Variants in WDR27 observed in about 807,000 individuals in gnomAD.
WDR27 encodes WD repeat domain 27.
Under a neutral mutation model 114.4 loss-of-function variants are expected in WDR27, and 100 were observed. The observed-to-expected ratio is 0.87, with a 90% CI of 0.74 to 1.03. The LOEUF (loss-of-function observed/expected upper bound fraction) is 1.03. Among genes scored for constraint, WDR27 ranks in the 50% least tolerant of loss-of-function variants. The probability of loss-of-function intolerance (pLI) is 0.00; values close to 1 mark genes in which losing one functional copy is unlikely to be tolerated. For missense variants in WDR27, 1,129 were observed against 1,092.9 expected, an observed-to-expected ratio of 1.03 and a Z score of -0.47; for synonymous variants, 449 against 423.1, an observed-to-expected ratio of 1.06 and a Z score of -0.75.
Position 169,551,678 on chromosome 6 carries a change from A to G in WDR27, c.2645+20741T>C, listed in dbSNP as rs1798122269. Among the ~76,000 whole-genome samples the G allele has an allele frequency of 2.1e-5, 3 of 140,416 alleles. No homozygotes were observed. In the Admixed American group the frequency reaches 2.3e-4, roughly 11 times the overall value. 92.1% of individuals were successfully genotyped at this position (140,416 alleles called of 152,430 possible). A position where few individuals can be genotyped will look rare whatever the true frequency, so the allele number is the denominator to read the frequency against. ...CTTGAACCCAGGAGGTGGAGGTTGGAGTGAGCTGAGATTGCGCCATTGCAC... is the reference window on the plus strand; with the variant it reads ...CTTGAACCCAGGAGGTGGAGGTTGGGGTGAGCTGAGATTGCGCCATTGCAC... On this transcript the variant is annotated intron_variant, in intron 25 of 25. Coordinates refer to ENST00000448612, the MANE Select transcript of WDR27 (RefSeq NM_182552.5).
At chr6:169,651,291 G>A (rs1260529788) in intron 14 of WDR27, among the ~76,000 whole-genome samples, 2 of 151,800 alleles carry the variant, frequency 1.3e-5, no homozygotes, top group African/African-American at 4.9e-5. Flanking sequence ...TGCGGTCAGG[G>A]ACTCCAGGTA....
intron 2 of WDR27, among the ~76,000 whole-genome samples, chr6:169,674,988 G>A (rs1463245405): frequency 6.6e-6 from 1 of 152,172 alleles, no homozygotes; most frequent in African/African-American, 2.4e-5. Flanking sequence ...AATTTCACAA[G>A]ACAATGTCAT....
intron 5 of WDR27, chr6:169,667,459 C>T (rs762198425): frequency 6.6e-5 from 60 of 902,814 alleles, no homozygotes; most frequent in South Asian, 2.5e-4. Flanking sequence ...AAAAACAGTT[C>T]CCAGGCACTT....
intron 25 of WDR27, among the ~76,000 whole-genome samples, chr6:169,457,934 G>C (rs757776702): frequency 6.6e-6 from 1 of 151,438 alleles, no homozygotes; most frequent in Non-Finnish European, 1.5e-5. Flanking sequence ...CCTCCTTCCA[G>C]GCAGAGCTGA....
chr6:169,507,228 CT>C (rs1222165146), intron 25 of WDR27, among the ~76,000 whole-genome samples: 3 of 152,124 alleles, frequency 2.0e-5, no homozygotes, highest in African/African-American at 7.2e-5. Flanking sequence ...TATAAGCTGC[CT>C]TTTTTCCCCC....
chr6:169,435,365 G>A, the WDR27 span, among the ~76,000 whole-genome samples: 10 of 152,308 alleles, frequency 6.6e-5, no homozygotes, highest in Admixed American at 1.3e-4. Flanking sequence ...TCCAGACCCC[G>A]GAATGGTAGA....
chr6:169,591,963 C>T (rs550357904), intron 23 of WDR27, among the ~76,000 whole-genome samples: 20 of 151,756 alleles, frequency 1.3e-4, no homozygotes, highest in South Asian at 4.2e-4. Flanking sequence ...TAGTGGGGAA[C>T]GGCATTTAGA....
chr6:169,657,613 G>A (rs1184911099), intron 13 of WDR27: 1 of 152,350 alleles, frequency 6.6e-6, no homozygotes, highest in Non-Finnish European at 1.5e-5. Flanking sequence ...GGTCACTGAA[G>A]GGAAAAAAGA....
At chr6:169,662,927 C>T (rs992684786) in intron 8 of WDR27, among the ~76,000 whole-genome samples, 5 of 147,498 alleles carry the variant, frequency 3.4e-5, no homozygotes, top group African/African-American at 7.5e-5. Flanking sequence ...GTGTGCACCG[C>T]GGAGCATTCA....
intron 24 of WDR27, among the ~76,000 whole-genome samples, chr6:169,578,724 A>C (rs898217964): frequency 6.6e-6 from 1 of 151,636 alleles, no homozygotes; most frequent in Non-Finnish European, 1.5e-5. Flanking sequence ...ACCCTCAAAC[A>C]GCTCCTCGCT....
the WDR27 span, among the ~76,000 whole-genome samples, chr6:169,432,110 C>T: frequency 3.3e-5 from 5 of 152,204 alleles, no homozygotes; most frequent in Non-Finnish European, 5.9e-5. Flanking sequence ...ACAGCAGTCA[C>T]ACACACAAAC....
chr6:169,465,488 T>C (rs1307389243), intron 25 of WDR27, among the ~76,000 whole-genome samples: 1 of 152,104 alleles, frequency 6.6e-6, no homozygotes, highest in Admixed American at 6.6e-5. Context: ...AGTATGAATT[T>C]TTTTCAAAAA....
chr6:169,482,236 G>A (rs1788263673), intron 25 of WDR27, among the ~76,000 whole-genome samples: 1 of 152,092 alleles, frequency 6.6e-6, no homozygotes, highest in African/African-American at 2.4e-5. Context: ...CTTTGCTATT[G>A]TGAGTAGTGC....
intron 5 of WDR27, 31 bp downstream of exon 5, chr6:169,667,951 G>A (rs755381496): frequency 2.6e-5 from 42 of 1,588,652 alleles, no homozygotes; most frequent in Non-Finnish European, 3.1e-5. Flanking sequence ...CACGTGCCAC[G>A]CGGGAACGCC....
chr6:169,555,728 T>C (rs1358393106), intron 25 of WDR27, among the ~76,000 whole-genome samples: 1 of 152,150 alleles, frequency 6.6e-6, no homozygotes, highest in Non-Finnish European at 1.5e-5. Context: ...TAGGCAACTA[T>C]ATAACTAATA....
At chr6:169,452,383 T>C (rs16888031), downstream of WDR27, among the ~76,000 whole-genome samples, 1 of 152,274 alleles carries the variant, frequency 6.6e-6, no homozygotes, top group African/African-American at 2.4e-5. Context: ...TGTAGATTAC[T>C]GACACGCGGT....
chr6:169,503,245 A>G (rs760625880), intron 25 of WDR27, among the ~76,000 whole-genome samples: 3 of 152,242 alleles, frequency 2.0e-5, no homozygotes, highest in Non-Finnish European at 4.4e-5. Flanking sequence ...TCTGACGCTA[A>G]TTAACATGAC....
At chr6:169,647,628 C>T in intron 16 of WDR27, 145 bp downstream of exon 16, 2 of 801,794 alleles carry the variant, frequency 2.5e-6, no homozygotes, top group Non-Finnish European at 4.2e-6. Flanking sequence ...TTCATCCAGA[C>T]ACAAACCATG....
chr6:169,484,874 T>C (rs2115405428), intron 25 of WDR27, among the ~76,000 whole-genome samples: 1 of 152,210 alleles, frequency 6.6e-6, no homozygotes, highest in South Asian at 2.1e-4. Flanking sequence ...CACACACCTA[T>C]GACCATCTGA....
Sources: allele counts gnomAD v4.1 joint callset (sites outside exome capture counted in the v4.1 genomes callset), GRCh38; gene constraint gnomAD v4.1.1; transcripts MANE v1.5; gene names NCBI Gene and HGNC (gene_info 2026-07-23, HGNC 2026-07-21).